MARCHF10: variants seen among roughly 807,000 people sequenced by gnomAD.
MARCHF10 encodes membrane associated ring-CH-type finger 10, also known as probable E3 ubiquitin-protein ligase MARCHF10.
A neutral mutation model predicts 76.2 loss-of-function variants in MARCHF10; 64 were observed. That is an observed-to-expected ratio of 0.84 (90% CI 0.69 to 1.03). The LOEUF (loss-of-function observed/expected upper bound fraction) is 1.03. Ranked by LOEUF, MARCHF10 falls within the 50% of genes least tolerant of loss-of-function variation. MARCHF10 has a pLI of 0.00. For synonymous variants in MARCHF10, 340 were observed against 357.5 expected, an observed-to-expected ratio of 0.95 and a Z score of 0.55; for missense variants, 875 against 958.0, an observed-to-expected ratio of 0.91 and a Z score of 1.14.
At position 62,747,469 on chromosome 17, in the gene MARCHF10, G is replaced by A. The variant is rs535018146; in HGVS notation, c.383-2941C>T. Among the ~76,000 whole-genome samples, 7 of 152,224 alleles carry A rather than the reference G, an allele frequency of 4.6e-5. No individual in the cohort carries two copies. In the South Asian group the frequency reaches 8.3e-4, roughly 18 times the overall value. ...TACTAGGCCTGGCAGTGAAGAAATC[G>A]CTGCTATTAGTGTAGGCAGGATCCT... On this transcript the variant is annotated intron_variant, in intron 4 of 10. Coordinates refer to ENST00000311269, the MANE Select transcript of MARCHF10 (RefSeq NM_152598.4).
intron 6 of MARCHF10, among the ~76,000 whole-genome samples, chr17:62,734,635 C>A (rs145372873): frequency 3.3e-5 from 5 of 152,262 alleles, no homozygotes; most frequent in Non-Finnish European, 5.9e-5. Flanking sequence ...ATGTTTTTAA[C>A]TGTTTATCTT....
At chr17:62,790,692 C>T (rs1354663194) in intron 2 of MARCHF10, among the ~76,000 whole-genome samples, 4 of 152,200 alleles carry the variant, frequency 2.6e-5, no homozygotes, top group Non-Finnish European at 5.9e-5. Context: ...TTAGAAAAAG[C>T]ATCTCCTTCC....
intron 8 of MARCHF10, among the ~76,000 whole-genome samples, chr17:62,715,936 G>A (rs563030040): frequency 1.6e-3 from 250 of 152,270 alleles, no homozygotes; most frequent in African/African-American, 5.7e-3. Flanking sequence ...AAAGGCCACC[G>A]ACAGTGCTGA....
intron 5 of MARCHF10, among the ~76,000 whole-genome samples, chr17:62,742,537 A>G (rs548764888): frequency 6.6e-6 from 1 of 152,294 alleles, no homozygotes; most frequent in South Asian, 2.1e-4. Context: ...AGCCACGGGT[A>G]TAATGGGACA....
chr17:62,783,645 G>A lies in MARCHF10; in HGVS notation c.210+4835C>T, dbSNP rs1408388834. ...GACTGCTAACAAGACTAATAAAGAG[G>A]AAGAGAGAAGAATCAAATAGACGCA... On this transcript the variant is annotated intron_variant, in intron 3 of 10. Transcript: ENST00000311269. 2.0e-5 allele frequency among the ~76,000 whole-genome samples: 3 copies of A among 151,700 alleles called. No homozygotes were observed. In the East Asian group the frequency reaches 5.8e-4, roughly 29 times the overall value.
At chr17:62,782,410 C>T (rs551634496) in intron 3 of MARCHF10, among the ~76,000 whole-genome samples, 2 of 143,388 alleles carry the variant, frequency 1.4e-5, no homozygotes, top group Admixed American at 7.3e-5. Context: ...TACAGTGGCA[C>T]GATCTCAGCT....
In MARCHF10 at chr17:62,724,946, A is replaced by G; in HGVS notation, c.2096T>C (p.Ile699Thr). 1 of 1,611,156 alleles carries G rather than the reference A, an allele frequency of 6.2e-7. No homozygotes were observed. Among genetic ancestry groups the G allele is most frequent in the Non-Finnish European group, 8.5e-7 (1 of 1,178,922 alleles). ...CTTCCTTCCCCACCTACCTGATGTT[A>G]TTTTCACTTTCAGCCACTTTTTCAG... Reference protein sequence around the residue: ...ECLKKWLKVKITSGADLGAVK... With the variant: ...ECLKKWLKVKTTSGADLGAVK... Residue 699 changes from isoleucine to threonine, a missense_variant, in exon 7 of 11, where the codon ATA becomes ACA. By Grantham distance (89) the Ile-to-Thr change is moderately conservative. Transcript: ENST00000311269.
chr17:62,748,592 A>G (rs1317684723), intron 4 of MARCHF10, among the ~76,000 whole-genome samples: 1 of 152,068 alleles, frequency 6.6e-6, no homozygotes, highest in Non-Finnish European at 1.5e-5. Flanking sequence ...GAAATAAAAA[A>G]TATTAGCTGG....
At chr17:62,704,160 C>T (rs947532053) in intron 10 of MARCHF10, among the ~76,000 whole-genome samples, 4 of 151,472 alleles carry the variant, frequency 2.6e-5, no homozygotes, top group African/African-American at 9.7e-5. Flanking sequence ...CCTTCCGGAG[C>T]GGGAGGCCCT....
intron 3 of MARCHF10, among the ~76,000 whole-genome samples, chr17:62,774,172 G>A (rs1413769454): frequency 1.3e-5 from 2 of 152,172 alleles, no homozygotes; most frequent in African/African-American, 2.4e-5. Context: ...ATGATCCAGC[G>A]ATTTTGGAGA....
intron 3 of MARCHF10, among the ~76,000 whole-genome samples, chr17:62,785,824 A>G (rs760233564): frequency 4.3e-4 from 65 of 152,108 alleles, no homozygotes; most frequent in Non-Finnish European, 5.0e-4. Context: ...AAACCACAAT[A>G]AGATACCATC....
chr17:62,709,501 CAAAA>C (rs779687365), intron 9 of MARCHF10, among the ~76,000 whole-genome samples: 3 of 151,536 alleles, frequency 2.0e-5, no homozygotes, highest in African/African-American at 4.9e-5. Context: ...AAAAACAAAA[CAAAA>C]AAAACGAGGC....
intron 2 of MARCHF10, among the ~76,000 whole-genome samples, chr17:62,789,279 G>A (rs1295547513): frequency 6.6e-6 from 1 of 151,950 alleles, no homozygotes; most frequent in Non-Finnish European, 1.5e-5. Context: ...TCACTATACT[G>A]TGACCCTGGA....
chr17:62,805,880 C>T (rs190829779), intron 1 of MARCHF10, among the ~76,000 whole-genome samples: 1 of 149,886 alleles, frequency 6.7e-6, no homozygotes, highest in African/African-American at 2.5e-5. Context: ...CCACTGCACT[C>T]CAGAGAGAGA....
chr17:62,723,558 A>ATTTTTTTTTTTT (rs2090597792), intron 7 of MARCHF10, among the ~76,000 whole-genome samples: 7 of 62,360 alleles, frequency 1.1e-4, no homozygotes, highest in African/African-American at 5.1e-4. Flanking sequence ...TGTTCGCTTG[A>ATTTTTTTTTTTT]CTTTTTTTTT....
intron 3 of MARCHF10, among the ~76,000 whole-genome samples, chr17:62,766,575 T>C (rs2092337729): frequency 6.6e-6 from 1 of 152,246 alleles, no homozygotes; most frequent in Admixed American, 6.5e-5. Flanking sequence ...GAGATTGCCC[T>C]TGACGTAGGT....
chr17:62,716,078 C>A (rs1269220193), intron 8 of MARCHF10, among the ~76,000 whole-genome samples: 1 of 152,224 alleles, frequency 6.6e-6, no homozygotes, highest in East Asian at 1.9e-4. Flanking sequence ...CGCTGTTAAA[C>A]ATCTCTTCTT....
At chr17:62,786,901 A>G (rs1020340018) in intron 3 of MARCHF10, among the ~76,000 whole-genome samples, 4 of 152,204 alleles carry the variant, frequency 2.6e-5, no homozygotes, top group Non-Finnish European at 4.4e-5. Flanking sequence ...TTGTTTAGCA[A>G]TTCCAATCTG....
rs67106553 is a variant in MARCHF10 at position 62,767,450 on chromosome 17, C to CCTTTTTTTTTTTTTTTTTTTTTTTTT, written c.211-7445_211-7444insAAAAAAAAAAAAAAAAAAAAAAAAAG. Among the ~76,000 whole-genome samples, 10 of 134,790 alleles carry CCTTTTTTTTTTTTTTTTTTTTTTTTT rather than the reference C, an allele frequency of 7.4e-5. 5 individuals carry two copies. The highest frequency in any genetic ancestry group is 6.2e-5 in the Non-Finnish European group (4 of 64,278). 88.4% of individuals were successfully genotyped at this position (134,790 alleles called of 152,430 possible). On this transcript the variant is annotated intron_variant, in intron 3 of 10. Coordinates refer to ENST00000311269, the MANE Select transcript of MARCHF10 (RefSeq NM_152598.4). ...AGCTTTGAATTGGTGGGTCTGTATT[C>CCTTTTTTTTTTTTTTTTTTTTTTTTT]TTTTTTTTTTTTTTTTTTGAGATGG...
Sources: gnomAD v4.1 joint callset for allele counts (sites outside exome capture counted in the v4.1 genomes callset) on GRCh38, gnomAD v4.1.1 for gene constraint, MANE v1.5 for transcripts, NCBI Gene and HGNC (gene_info 2026-07-23, HGNC 2026-07-21) for gene names.